ANKRD44: variants seen among roughly 807,000 people sequenced by gnomAD.
ANKRD44 encodes ankyrin repeat domain 44.
In ANKRD44, 35 loss-of-function variants were observed where a neutral mutation model predicts 116.0. The ratio of observed to expected loss-of-function variants is 0.30; its 90% confidence interval spans 0.23 to 0.40. The LOEUF (loss-of-function observed/expected upper bound fraction) is 0.40, where lower values mean the gene tolerates loss of function less well. ANKRD44 is among the 10% of genes least tolerant of loss of function. The pLI, the probability that ANKRD44 is intolerant of heterozygous loss-of-function variation, is 1.00. For synonymous variants in ANKRD44, 435 were observed against 461.8 expected, an observed-to-expected ratio of 0.94 and a Z score of 0.74; for missense variants, 1,014 against 1,242.6, an observed-to-expected ratio of 0.82 and a Z score of 2.77.
At chr2:197,221,211 A>C (rs1195036210) in intron 1 of ANKRD44, among the ~76,000 whole-genome samples, 1 of 151,418 alleles carries the variant, frequency 6.6e-6, no homozygotes, top group Non-Finnish European at 1.5e-5. Context: ...AGATCATGGC[A>C]CTGCACTCCA....
At chr2:197,153,293 A>T (rs1289422785) in intron 2 of ANKRD44, among the ~76,000 whole-genome samples, 1 of 149,258 alleles carries the variant, frequency 6.7e-6, no homozygotes, top group South Asian at 2.2e-4. Flanking sequence ...AAGAAGGAGG[A>T]GGAGGAGGAG....
At chr2:197,084,676 C>A (rs2077879702) in intron 13 of ANKRD44, among the ~76,000 whole-genome samples, 2 of 152,140 alleles carry the variant, frequency 1.3e-5, no homozygotes, top group South Asian at 4.1e-4. Context: ...ACCTAAGGTC[C>A]TTCTAGGTCT....
chr2:196,970,430 C>A (rs982595530), intron 21 of ANKRD44, among the ~76,000 whole-genome samples: 1 of 152,140 alleles, frequency 6.6e-6, no homozygotes, highest in Non-Finnish European at 1.5e-5. Flanking sequence ...GAGTTCAGTT[C>A]CTTTTACTCT....
chr2:197,025,250 G>C lies in ANKRD44; in HGVS notation c.1668C>G (p.Asn556Lys), dbSNP rs2076569098. Residue 556 changes from asparagine (N) to lysine (K), a missense_variant, in exon 17 of 28, where the codon AAC becomes AAG. Transcript: ENST00000282272. ...CAGAATCTGATTCTTCAAATCCACT[G>C]TTTGTTCTTTCCAAAAGCTGTGGAG... ...QCLELLLERTNSGFEESDSGA... is the reference protein window; with the variant it reads ...QCLELLLERTKSGFEESDSGA... 6.2e-7 allele frequency: 1 copy of C among 1,611,284 alleles called. No individual in the cohort carries two copies. The highest frequency in any genetic ancestry group is 8.5e-7 in the Non-Finnish European group (1 of 1,177,848).
chr2:197,105,696 C>T (rs1273257781), intron 9 of ANKRD44, among the ~76,000 whole-genome samples: 1 of 152,182 alleles, frequency 6.6e-6, no homozygotes, highest in Non-Finnish European at 1.5e-5. Context: ...AGACAGTTAA[C>T]TATGATCTGA....
In ANKRD44 at chr2:197,203,717, C is replaced by T. The variant is rs965001009; in HGVS notation, c.28-16611G>A. Among the ~76,000 whole-genome samples the T allele has an allele frequency of 2.6e-5, 4 of 152,206 alleles. No individual in the cohort carries two copies. Among genetic ancestry groups the T allele is most frequent in the Admixed American group, 1.3e-4 (2 of 15,274 alleles). ...TAGAAACAACCCAAGTGTCCACCAA[C>T]CGGCATCAACTGATGAATGGATAAA... On this transcript the variant is annotated intron_variant, in intron 1 of 27. Transcript: ENST00000282272. This position sits in a 1 kb window ranked among gnomAD's most constrained non-coding sequence, Gnocchi z 4.1.
chr2:197,088,968 C>T, intron 11 of ANKRD44, 194 bp from the exon 12 acceptor site: 1 of 452,264 alleles, frequency 2.2e-6, no homozygotes, highest in Non-Finnish European at 3.8e-6. Context: ...ATAGGAAGAA[C>T]CGTGAAGTCA....
At chr2:197,265,918 A>C (rs936392799) in intron 1 of ANKRD44, among the ~76,000 whole-genome samples, 1 of 152,166 alleles carries the variant, frequency 6.6e-6, no homozygotes, top group Non-Finnish European at 1.5e-5. Context: ...ATTGAAATCG[A>C]GTAGTAAAAG....
chr2:197,267,206 T>C (rs2082764436), intron 1 of ANKRD44, among the ~76,000 whole-genome samples: 1 of 152,280 alleles, frequency 6.6e-6, no homozygotes, highest in Non-Finnish European at 1.5e-5. Context: ...ATTTTGCAGA[T>C]GACTAAGGGT....
intron 1 of ANKRD44, among the ~76,000 whole-genome samples, chr2:197,275,753 G>A (rs2083061850): frequency 6.6e-6 from 1 of 152,016 alleles, no homozygotes; most frequent in South Asian, 2.1e-4. Context: ...TATGGGGGGT[G>A]GGAGCAGGAA....
Position 197,293,371 on chromosome 2 carries a change from C to T in ANKRD44, c.27+17207G>A, listed in dbSNP as rs187111015. Among the ~76,000 whole-genome samples, 10 of 152,298 alleles carry T rather than the reference C, an allele frequency of 6.6e-5. No homozygotes were observed. The East Asian group carries it at 1.5e-3, about 23-fold the overall frequency. ...GAGAAATTCAGTGGCTTAGCTCCAACCTTCCCAAGACACACACTAATCAAG... is the reference window on the plus strand; with the variant it reads ...GAGAAATTCAGTGGCTTAGCTCCAATCTTCCCAAGACACACACTAATCAAG... On this transcript the variant is annotated intron_variant, in intron 1 of 27. Transcript: ENST00000282272.
chr2:197,050,082 A>G (rs915612835), intron 16 of ANKRD44, among the ~76,000 whole-genome samples: 2 of 152,128 alleles, frequency 1.3e-5, no homozygotes, highest in Admixed American at 6.5e-5. Flanking sequence ...TGGCTTCAGG[A>G]ACTTACAATC....
At chr2:197,282,932 T>C (rs981244657) in intron 1 of ANKRD44, among the ~76,000 whole-genome samples, 2 of 152,200 alleles carry the variant, frequency 1.3e-5, no homozygotes, top group Non-Finnish European at 2.9e-5. Flanking sequence ...TGTTATGAAT[T>C]TAAAATATAC....
chr2:197,072,517 C>G (rs1426087051), intron 16 of ANKRD44, among the ~76,000 whole-genome samples: 1 of 152,180 alleles, frequency 6.6e-6, no homozygotes, highest in East Asian at 1.9e-4. Flanking sequence ...CTGCCATCTT[C>G]TATGAAATAC....
chr2:197,048,571 T>C (rs1454689544), intron 16 of ANKRD44, among the ~76,000 whole-genome samples: 1 of 152,228 alleles, frequency 6.6e-6, no homozygotes, highest in African/African-American at 2.4e-5. Flanking sequence ...TGCCACATTT[T>C]CTTAATCCAG....
intron 1 of ANKRD44, among the ~76,000 whole-genome samples, chr2:197,292,608 T>G (rs1273968939): frequency 6.6e-6 from 1 of 152,216 alleles, no homozygotes; most frequent in East Asian, 1.9e-4. Context: ...AAACTTTAGA[T>G]GTCAACCCCC....
chr2:197,068,976 C>T (rs2077502053), intron 16 of ANKRD44, among the ~76,000 whole-genome samples: 1 of 152,190 alleles, frequency 6.6e-6, no homozygotes, highest in South Asian at 2.1e-4. Flanking sequence ...ATAAATCATG[C>T]TGCTATAAAG....
chr2:197,283,254 T>C (rs560094582), intron 1 of ANKRD44, among the ~76,000 whole-genome samples: 81 of 152,318 alleles, frequency 5.3e-4, no homozygotes, highest in Middle Eastern at 3.4e-3. Flanking sequence ...TATATTTTAT[T>C]ATAGCAAAAC....
intron 1 of ANKRD44, among the ~76,000 whole-genome samples, chr2:197,271,155 C>T (rs2082887857): frequency 6.6e-6 from 1 of 152,178 alleles, no homozygotes; most frequent in South Asian, 2.1e-4. Context: ...TCTGGACACA[C>T]AAAAACATAG....
Sources: allele counts gnomAD v4.1 joint callset (sites outside exome capture counted in the v4.1 genomes callset), GRCh38; gene constraint gnomAD v4.1.1; non-coding constraint Gnocchi (gnomAD v3.1); transcripts MANE v1.5; gene names NCBI Gene and HGNC (gene_info 2026-07-23, HGNC 2026-07-21).